USP28: variants seen among roughly 807,000 people sequenced by gnomAD.
USP28 encodes the protein ubiquitin specific peptidase 28.
USP28 carries 113 observed loss-of-function variants against 145.0 expected under a neutral mutation model. The observed-to-expected ratio is 0.78, with a 90% CI of 0.67 to 0.91. The LOEUF (loss-of-function observed/expected upper bound fraction) is 0.91, where lower values mean the gene tolerates loss of function less well. USP28 is among the 40% of genes least tolerant of loss of function. USP28 has a pLI of 0.00. For missense variants in USP28, 1,201 were observed against 1,289.6 expected (o/e 0.93, Z 1.05); for synonymous variants, 447 against 450.9 (o/e 0.99, Z 0.11).
At chr11:113,829,437 G>C in intron 9 of USP28, 92 bp from the exon 10 acceptor site, 1 of 1,490,288 alleles carries the variant, frequency 6.7e-7, no homozygotes, top group Non-Finnish European at 9.1e-7. Context: ...TTTAAATTCA[G>C]CAACTTCCTG....
At chr11:113,841,759 T>C in exon 4 of USP28, 1 of 1,610,430 alleles carries the variant, frequency 6.2e-7, no homozygotes, top group Non-Finnish European at 8.5e-7. Flanking sequence ...ATGAGTAAGG[T>C]CTATAACTTC....
chr11:113,865,279 C>T (rs1948144575), intron 1 of USP28, among the ~76,000 whole-genome samples: 1 of 152,142 alleles, frequency 6.6e-6, no homozygotes, highest in Non-Finnish European at 1.5e-5. Context: ...AACCAGAAAA[C>T]CTGCTAGACA....
intron 1 of USP28, 36 bp downstream of exon 1, chr11:113,875,409 C>T (rs1212861110): frequency 8.1e-7 from 1 of 1,231,904 alleles, no homozygotes; most frequent in South Asian, 2.4e-5. Flanking sequence ...GGCCTGGAGC[C>T]CGCCCCCAGC....
At chr11:113,862,523 G>A (rs991838229) in intron 1 of USP28, among the ~76,000 whole-genome samples, 13 of 152,182 alleles carry the variant, frequency 8.5e-5, no homozygotes, top group Non-Finnish European at 1.5e-4. Context: ...TCTAGCCCAC[G>A]TGAACAACTG....
intron 24 of USP28, among the ~76,000 whole-genome samples, chr11:113,800,131 A>C (rs10891597): frequency 1.3e-5 from 2 of 151,082 alleles, no homozygotes; most frequent in East Asian, 2.0e-4. Context: ...TCAGCCTCCC[A>C]AGTAGCTGGG....
chr11:113,803,710 T>C (rs1939450620), intron 22 of USP28, 88 bp downstream of exon 23: 1 of 1,079,320 alleles, frequency 9.3e-7, no homozygotes, highest in Non-Finnish European at 1.4e-6. Flanking sequence ...AGGTTATGCA[T>C]GGCTGTGACT....
chr11:113,817,697 G>A (rs1591217017), exon 13 of USP28: 3 of 1,614,138 alleles, frequency 1.9e-6, no homozygotes, highest in East Asian at 4.5e-5. Flanking sequence ...GCAGTGCACT[G>A]AAGAAAGTGG....
intron 22 of USP28, among the ~76,000 whole-genome samples, chr11:113,803,540 T>C (rs1939419911): frequency 6.6e-6 from 1 of 152,210 alleles, no homozygotes; most frequent in Non-Finnish European, 1.5e-5. Flanking sequence ...CAAAAATTCA[T>C]TTTCTGAGTT....
chr11:113,823,498 A>G, intron 12 of USP28, 107 bp downstream of exon 12: 1 of 912,878 alleles, frequency 1.1e-6, no homozygotes, highest in East Asian at 2.7e-5. Context: ...TGTTTTATAA[A>G]ATATTCTAGT....
Position 113,823,761 on chromosome 11 carries a change from A to G in USP28, c.1188-61T>C, listed in dbSNP as rs1261981365. The G allele has an allele frequency of 3.7e-6, 5 of 1,349,624 alleles. No individual in the cohort carries two copies. In the Admixed American group the frequency reaches 9.1e-5, roughly 25 times the overall value. 83.6% of individuals were successfully genotyped at this position (1,349,624 alleles called of 1,614,324 possible). A position where few individuals can be genotyped will look rare whatever the true frequency, so the allele number is the denominator to read the frequency against. On this transcript the variant is annotated intron_variant, in intron 11 of 24. Coordinates refer to ENST00000003302, the Ensembl canonical transcript of USP28. ...TAAAACATTAATGACATAAAGTCTC[A>G]GTAAACTAAAGATTCAAGGAAACTT...
At chr11:113,804,905 C>T (rs751688060) in exon 20 of USP28, 3 of 1,614,178 alleles carry the variant, frequency 1.9e-6, no homozygotes, top group Non-Finnish European at 2.5e-6. Context: ...GCAAACTGTT[C>T]CAGAAGGGTT....
chr11:113,802,496 C>T (rs1158381758), intron 23 of USP28, among the ~76,000 whole-genome samples: 1 of 152,172 alleles, frequency 6.6e-6, no homozygotes, highest in African/African-American at 2.4e-5. Context: ...CAAGCCCACA[C>T]TCTGAAGGCA....
intron 13 of USP28, among the ~76,000 whole-genome samples, chr11:113,817,453 C>A (rs1310194847): frequency 6.6e-6 from 1 of 152,150 alleles, no homozygotes; most frequent in Non-Finnish European, 1.5e-5. Flanking sequence ...TCTGAAATAA[C>A]CCAACCATTC....
At chr11:113,857,326 C>T (rs1947167045) in intron 1 of USP28, among the ~76,000 whole-genome samples, 1 of 152,174 alleles carries the variant, frequency 6.6e-6, no homozygotes, top group Admixed American at 6.5e-5. Context: ...TTGACTGTAG[C>T]TTTGCAAGAA....
At chr11:113,800,776 C>T (rs1422440013) in intron 24 of USP28, among the ~76,000 whole-genome samples, 4 of 151,836 alleles carry the variant, frequency 2.6e-5, no homozygotes, top group African/African-American at 9.7e-5. Context: ...AGTTAATATG[C>T]TATATAACTT....
rs139740571 is a variant in USP28 at position 113,873,131 on chromosome 11, G to C, written c.57+2314C>G. Among the ~76,000 whole-genome samples the C allele has an allele frequency of 1.7e-4, 26 of 152,278 alleles. 2 individuals are homozygous for C. In the East Asian group the frequency reaches 1.7e-3, roughly 10 times the overall value. ...TAAGGGAAAGGTAGAATGCCTCAGA[G>C]AGTTCAAAATAAAAGAATCCATTCT... On this transcript the variant is annotated intron_variant, in intron 1 of 24. Coordinates refer to ENST00000003302, the Ensembl canonical transcript of USP28.
exon 2 of USP28, chr11:113,854,272 G>A: frequency 6.2e-7 from 1 of 1,613,962 alleles, no homozygotes; most frequent in Non-Finnish European, 8.5e-7. Context: ...AGAGCTTCAT[G>A]GAGAAAGGAA....
chr11:113,841,090 G>A (rs1200589568), intron 4 of USP28, among the ~76,000 whole-genome samples: 2 of 152,154 alleles, frequency 1.3e-5, no homozygotes, highest in African/African-American at 4.8e-5. Flanking sequence ...GAATAGGGCA[G>A]GAGAGACACT....
In USP28 at chr11:113,815,167, A is replaced by C. The variant is rs541662066; in HGVS notation, c.1672+7T>G. ...AAGAGTAACTGACAAATTTTAAAAG[A>C]GCCAACCTTGTATATCTTGTTCAAT... On this transcript the variant is annotated splice_region_variant and intron_variant, in intron 14 of 24. Coordinates refer to ENST00000003302, the Ensembl canonical transcript of USP28. The C allele has an allele frequency of 1.9e-6, 3 of 1,610,686 alleles. No homozygotes were observed. In the South Asian group the frequency reaches 3.3e-5, roughly 18 times the overall value.
Sources: gnomAD v4.1 joint callset for allele counts (sites outside exome capture counted in the v4.1 genomes callset) on GRCh38, gnomAD v4.1.1 for gene constraint, MANE v1.5 for transcripts, NCBI Gene and HGNC (gene_info 2026-07-23, HGNC 2026-07-21) for gene names.